Variants in DEAF1 observed in about 807,000 individuals in gnomAD.
DEAF1 encodes deformed epidermal autoregulatory factor 1 homolog.
A neutral mutation model predicts 58.9 loss-of-function variants in DEAF1; 53 were observed. The observed-to-expected ratio is 0.90, with a 90% confidence interval of 0.72 to 1.13. DEAF1 has a LOEUF of 1.13. Among genes scored for constraint, DEAF1 ranks in the 50% most tolerant of loss-of-function variants. The probability of loss-of-function intolerance (pLI) is 0.00; values close to 1 mark genes in which losing one functional copy is unlikely to be tolerated. For synonymous variants in DEAF1, 385 were observed against 340.4 expected, an observed-to-expected ratio of 1.13 and a Z score of -1.44; for missense variants, 685 against 791.4, an observed-to-expected ratio of 0.87 and a Z score of 1.61.
In DEAF1 at chr11:680,997, G is replaced by C. The variant is rs1238009056; in HGVS notation, c.963C>G (p.Asn321Lys). ...TTPVKKDSPK[N>K]ITLLPATAAT... is the part of the protein sequence containing the mutation. Reference sequence around the variant, plus strand: ...CCGCGGTGGCTGGAAGCAATGTGATGTTCTTGGGGGAGTCCTTCTTCACGG... The same window carrying C: ...CCGCGGTGGCTGGAAGCAATGTGATCTTCTTGGGGGAGTCCTTCTTCACGG... The change falls in exon 7 of 12, where the codon AAC (asparagine) becomes AAG (lysine). Residue 321 changes from asparagine (N) to lysine (K), a missense_variant. Asn to Lys is a moderately conservative substitution (Grantham distance 94). This residue lies in a region of DEAF1 where 343 missense variants were observed against 379.8 expected (regional missense o/e 0.90). Transcript: ENST00000382409. The C allele has an allele frequency of 2.5e-6, 4 of 1,614,188 alleles. No homozygotes were observed. The highest frequency in any genetic ancestry group is 3.4e-6 in the Non-Finnish European group (4 of 1,180,024).
rs568831956 is a variant in DEAF1, at chr11:687,808, C to G, written c.664+103G>C. On this transcript the variant is annotated intron_variant, in intron 4 of 11. Transcript: ENST00000382409. ...ACCGCGCCCAGCCCTGTCTTCTTAACTAGTTCTAGGTGCCATGATTTTCAT... is the reference window on the plus strand; with the variant it reads ...ACCGCGCCCAGCCCTGTCTTCTTAAGTAGTTCTAGGTGCCATGATTTTCAT... The G allele has an allele frequency of 1.7e-3, 2,620 of 1,512,600 alleles. 4 individuals carry two copies. Among genetic ancestry groups the G allele is most frequent in the Admixed American group, 3.3e-3 (195 of 59,054 alleles). The allele number at this position is 1,512,600 out of a possible 1,614,324, so 93.7% of individuals were successfully genotyped here.
chr11:659,322 G>A (rs1179002108), intron 10 of DEAF1, among the ~76,000 whole-genome samples: 1 of 152,128 alleles, frequency 6.6e-6, no homozygotes, highest in Non-Finnish European at 1.5e-5. Context: ...GAGCCTGGGA[G>A]GTGGAGGTTG....
At chr11:666,932 T>C (rs530587165) in intron 10 of DEAF1, among the ~76,000 whole-genome samples, 67 of 150,296 alleles carry the variant, frequency 4.5e-4, no homozygotes, top group African/African-American at 1.5e-3. Context: ...GGAGCAGTGG[T>C]TCATGCTGGT....
chr11:676,012 GACACCCCCCA>G (rs1451719220), intron 9 of DEAF1, among the ~76,000 whole-genome samples: 2 of 39,600 alleles, frequency 5.1e-5, no homozygotes, highest in African/African-American at 2.0e-4. Flanking sequence ...CCCGGCACCC[GACACCCCCCA>G]GCACCCGACA....
intron 11 of DEAF1, among the ~76,000 whole-genome samples, chr11:647,641 G>A (rs1337335040): frequency 6.6e-6 from 1 of 152,256 alleles, no homozygotes; most frequent in Non-Finnish European, 1.5e-5. Context: ...AGCCCAAAGA[G>A]AGAGGGGGAC....
intron 6 of DEAF1, among the ~76,000 whole-genome samples, chr11:683,753 C>T (rs549708764): frequency 3.3e-5 from 5 of 152,242 alleles, no homozygotes; most frequent in South Asian, 2.1e-4. Flanking sequence ...AATCCACGGG[C>T]GCAGGACGTC....
upstream of DEAF1, chr11:697,719 G>C (rs1393486340): frequency 6.6e-6 from 1 of 152,252 alleles, no homozygotes; most frequent in East Asian, 1.9e-4. Context: ...TTTAGCTAAG[G>C]CCTGGAAAAG....
intron 1 of DEAF1, chr11:703,463 G>A: frequency 1.1e-5 from 14 of 1,268,584 alleles, no homozygotes; most frequent in Non-Finnish European, 1.4e-5. Flanking sequence ...GGCCTCCACA[G>A]ACCCCCATGG....
intron 10 of DEAF1, among the ~76,000 whole-genome samples, chr11:662,844 C>T (rs1403277229): frequency 6.6e-6 from 1 of 152,180 alleles, no homozygotes. Flanking sequence ...CTGCAAGTGC[C>T]CATGACTGTT....
intron 8 of DEAF1, 59 bp from the exon 9 acceptor site, chr11:678,881 A>C: frequency 6.2e-7 from 1 of 1,605,660 alleles, no homozygotes; most frequent in Non-Finnish European, 8.5e-7. Flanking sequence ...GCAGACTCTA[A>C]ATATCACGCT....
chr11:699,868 T>C, upstream of DEAF1: 1 of 437,298 alleles, frequency 2.3e-6, no homozygotes. Flanking sequence ...TGACCAGTCC[T>C]GTCCACAGTC....
intron 10 of DEAF1, among the ~76,000 whole-genome samples, chr11:669,014 A>T (rs1859682487): frequency 6.6e-6 from 1 of 151,526 alleles, no homozygotes; most frequent in Non-Finnish European, 1.5e-5. Flanking sequence ...TTTAGTAGAG[A>T]CGGGGTTTTA....
At chr11:665,772 T>G (rs893869122) in intron 10 of DEAF1, 1 of 152,142 alleles carries the variant, frequency 6.6e-6, no homozygotes, top group African/African-American at 2.4e-5. Flanking sequence ...GGAAGGCTTC[T>G]CCTGGAGGCA....
intron 11 of DEAF1, among the ~76,000 whole-genome samples, chr11:653,537 A>T (rs1435833471): frequency 6.1e-5 from 8 of 131,466 alleles, no homozygotes; most frequent in African/African-American, 2.4e-4. Flanking sequence ...ATAATAGAGG[A>T]ACTGTGGACA....
intron 10 of DEAF1, among the ~76,000 whole-genome samples, chr11:657,851 G>A (rs769504809): frequency 1.9e-4 from 29 of 152,150 alleles, no homozygotes; most frequent in Non-Finnish European, 2.8e-4. Flanking sequence ...CTGAGAGACC[G>A]TCACAGGCCT....
At position 694,947 on chromosome 11, in the gene DEAF1, CCTGCCG is replaced by C; in HGVS notation, c.95_100del (p.Ala32_Ala33del). 4 of 1,281,528 alleles carry C rather than the reference CCTGCCG, an allele frequency of 3.1e-6. No homozygotes were observed. Among genetic ancestry groups the C allele is most frequent in the Non-Finnish European group, 2.9e-6 (3 of 1,018,560 alleles). 79.4% of individuals were successfully genotyped at this position (1,281,528 alleles called of 1,614,324 possible). On this transcript the variant is annotated inframe_deletion, in exon 1 of 12. Transcript: ENST00000382409. Reference sequence around the variant, plus strand: ...CAGCACCGGCTCCTCCGCCTCGCCTCCTGCCGCGGCCGCGGCCGCCGCCGCCACAGC... The same window carrying C: ...CAGCACCGGCTCCTCCGCCTCGCCTCCGGCCGCGGCCGCCGCCGCCACAGC...
In DEAF1 at chr11:688,313, G is replaced by T. The variant is rs745760142; in HGVS notation, c.517+18C>A. On this transcript the variant is annotated intron_variant, in intron 3 of 11. Coordinates refer to ENST00000382409, the MANE Select transcript of DEAF1 (RefSeq NM_021008.4). This position sits in a 1 kb window ranked among gnomAD's most constrained non-coding sequence, Gnocchi z 4.3. ...AAACGTGTTTTGCCCGAGGCCTGGG[G>T]TGCAGGCACCGCTGTACCTGGGGTG... 5 of 1,611,936 alleles carry T rather than the reference G, an allele frequency of 3.1e-6. No homozygotes were observed. The highest frequency in any genetic ancestry group is 4.2e-6 in the Non-Finnish European group (5 of 1,178,984).
upstream of DEAF1, among the ~76,000 whole-genome samples, chr11:697,293 A>G (rs1861239888): frequency 6.6e-6 from 1 of 152,182 alleles, no homozygotes; most frequent in African/African-American, 2.4e-5. Context: ...ATTTCTTAAC[A>G]CATCTTGTCC....
rs116246900 is a variant in DEAF1, at chr11:681,872, G to A, written c.871-783C>T. Among the ~76,000 whole-genome samples, 1,297 of 152,180 alleles carry A rather than the reference G, an allele frequency of 8.5e-3. 16 individuals are homozygous for A. The highest frequency in any genetic ancestry group is 0.029 in the African/African-American group (1,213 of 41,516). On this transcript the variant is annotated intron_variant, in intron 6 of 11. Transcript: ENST00000382409. Reference sequence around the variant, plus strand: ...CTTTTTCCTGTTAACCCCAACATCCGGACCTCTCCAGGCAATTTCTGTTGC... The same window carrying A: ...CTTTTTCCTGTTAACCCCAACATCCAGACCTCTCCAGGCAATTTCTGTTGC...
Sources: allele counts gnomAD v4.1 joint callset (sites outside exome capture counted in the v4.1 genomes callset), GRCh38; gene constraint gnomAD v4.1.1; regional missense constraint gnomAD v4.1.1; non-coding constraint Gnocchi (gnomAD v3.1); transcripts MANE v1.5; gene names NCBI Gene and HGNC (gene_info 2026-07-23, HGNC 2026-07-21).